Variants in GATA6 observed in about 807,000 individuals in gnomAD.
GATA6 encodes the protein transcription factor GATA-6.
A neutral mutation model predicts 48.1 loss-of-function variants in GATA6; 11 were observed. The ratio of observed to expected loss-of-function variants is 0.23; its 90% CI spans 0.14 to 0.38. GATA6 has a LOEUF of 0.38. GATA6 is among the 10% of genes least tolerant of loss of function. The pLI is 1.00. For synonymous variants in GATA6, 419 were observed against 396.1 expected (o/e 1.06, Z -0.69); for missense variants, 795 against 850.3 (o/e 0.93, Z 0.81).
rs368087457 is a variant in GATA6 at position 22,196,634 on chromosome 18, G to A, written c.1621-4022G>A. On this transcript the variant is annotated intron_variant, in intron 6 of 6. Transcript: ENST00000269216. ...CACATGCTTGTGGTCCCAGTTATTC[G>A]AGAGGCTGAGATGGGAGGATCTCTT... is the stretch of plus-strand genomic sequence containing the variant. Among the ~76,000 whole-genome samples the A allele has an allele frequency of 5.5e-4, 84 of 152,130 alleles. No individual in the cohort carries two copies. In the Middle Eastern group the frequency reaches 0.01, roughly 18 times the overall value.
intron 6 of GATA6, among the ~76,000 whole-genome samples, chr18:22,196,741 C>CAA (rs755208441): frequency 0.013 from 1,948 of 148,560 alleles, 45 homozygotes; most frequent in African/African-American, 0.047. Context: ...GACCCTGTCT[C>CAA]AAAAATAAAA....
chr18:22,176,862 C>T, intron 2 of GATA6, 93 bp from the exon 3 acceptor site: 1 of 1,398,594 alleles, frequency 7.2e-7, no homozygotes, highest in Non-Finnish European at 9.4e-7. Flanking sequence ...GGAAGCCGGG[C>T]ACCGGGGCTG....
chr18:22,177,244 C>A (rs371429311), intron 3 of GATA6, 123 bp downstream of exon 3: 9 of 868,674 alleles, frequency 1.0e-5, no homozygotes, highest in Non-Finnish European at 1.5e-5. Context: ...GCGGCCGCTG[C>A]GGTCCCACCC....
rs1057146658 is a variant in GATA6, at chr18:22,185,635, G to T, written c.1620+2592G>T. Among the ~76,000 whole-genome samples the T allele has an allele frequency of 6.6e-6, 1 of 152,200 alleles. No homozygotes were observed. Among genetic ancestry groups the T allele is most frequent in the Non-Finnish European group, 1.5e-5 (1 of 68,040 alleles). ...CTGGGCTTGCAGGGTTTTATTTCAT[G>T]GATGTCTCCAAAAGCCTCTACCTGC... On this transcript the variant is annotated intron_variant, in intron 6 of 6. Transcript: ENST00000269216. The surrounding 1 kb of genome is among the most constrained non-coding windows in gnomAD (Gnocchi z 4.3).
At chr18:22,198,110 G>A (rs912275423) in intron 6 of GATA6, among the ~76,000 whole-genome samples, 1 of 150,488 alleles carries the variant, frequency 6.6e-6, no homozygotes, top group Non-Finnish European at 1.5e-5. Context: ...TTAGAGACAG[G>A]GTCTTGCTCT....
intron 6 of GATA6, among the ~76,000 whole-genome samples, chr18:22,194,716 C>G (rs568567056): frequency 1.2e-4 from 18 of 151,430 alleles, no homozygotes; most frequent in Admixed American, 7.2e-4. Flanking sequence ...TCCGCCCCCC[C>G]CTCCCAACAC....
chr18:22,184,955 A>C (rs767204468), intron 6 of GATA6, among the ~76,000 whole-genome samples: 3 of 152,216 alleles, frequency 2.0e-5, no homozygotes, highest in Admixed American at 2.0e-4. Context: ...GGTACAGTCC[A>C]GCTTAAATGT....
At chr18:22,180,470 G>A (rs920132775) in intron 3 of GATA6, among the ~76,000 whole-genome samples, 1 of 152,062 alleles carries the variant, frequency 6.6e-6, no homozygotes, top group African/African-American at 2.4e-5. Flanking sequence ...ACCTTTCCTG[G>A]TAATACCAAT....
chr18:22,189,258 A>G (rs566955719), intron 6 of GATA6, among the ~76,000 whole-genome samples: 6 of 152,228 alleles, frequency 3.9e-5, no homozygotes, highest in Non-Finnish European at 8.8e-5. Context: ...GACTGACTCA[A>G]GTTAAGATTA....
At chr18:22,190,646 G>A (rs909684300) in intron 6 of GATA6, among the ~76,000 whole-genome samples, 2 of 152,020 alleles carry the variant, frequency 1.3e-5, no homozygotes, top group Non-Finnish European at 2.9e-5. Context: ...ACCAAGATCC[G>A]GAGTGACTCC....
At chr18:22,182,893 A>G in intron 5 of GATA6, 47 bp from the exon 6 acceptor site, 1 of 1,597,378 alleles carries the variant, frequency 6.3e-7, no homozygotes. Context: ...GCCAACCTTA[A>G]CAGTAGAGCA....
rs1176964829 is a variant in GATA6 at position 22,171,749 on chromosome 18, C to A, written c.605C>A (p.Pro202Gln). The change falls in exon 2 of 7, where the codon CCG becomes CAG. Residue 202 changes from proline to glutamine, a missense_variant. Coordinates refer to ENST00000269216, the MANE Select transcript of GATA6 (RefSeq NM_005257.6). The surrounding 1 kb of genome is among the most constrained non-coding windows in gnomAD (Gnocchi z 7.1). ...GTGGGTTCCATGCTGCCCGGCCTACCGTACCACCTGCAGGGGTCGGGCAGT... is the reference window on the plus strand; with the variant it reads ...GTGGGTTCCATGCTGCCCGGCCTACAGTACCACCTGCAGGGGTCGGGCAGT... ...TRVGSMLPGL[P>Q]YHLQGSGSGP... The A allele has an allele frequency of 3.4e-6, 5 of 1,453,228 alleles. No individual in the cohort carries two copies. The highest frequency in any genetic ancestry group is 1.5e-5 in the African/African-American group (1 of 66,508). 90.0% of individuals were successfully genotyped at this position (1,453,228 alleles called of 1,614,324 possible).
At chr18:22,175,133 T>C (rs747426709) in intron 2 of GATA6, among the ~76,000 whole-genome samples, 3 of 152,180 alleles carry the variant, frequency 2.0e-5, no homozygotes, top group Admixed American at 6.5e-5. Context: ...ACAGCTTTTA[T>C]AAAGACAGCA....
chr18:22,198,156 C>T (rs1233076778), intron 6 of GATA6, among the ~76,000 whole-genome samples: 1 of 151,540 alleles, frequency 6.6e-6, no homozygotes. Context: ...GCAATCGTAG[C>T]TCACTGCAGC....
intron 6 of GATA6, among the ~76,000 whole-genome samples, chr18:22,187,954 A>C (rs1271117570): frequency 6.6e-6 from 1 of 152,126 alleles, no homozygotes; most frequent in East Asian, 1.9e-4. Flanking sequence ...TTTAAAAATT[A>C]GGCCAGGTGC....
rs760748655 is a variant in GATA6, at chr18:22,200,749, G to A, written c.1714G>A (p.Val572Ile). 5 of 1,614,138 alleles carry A rather than the reference G, an allele frequency of 3.1e-6. No individual in the cohort carries two copies. Among genetic ancestry groups the A allele is most frequent in the Admixed American group, 1.7e-5 (1 of 60,032 alleles). Residue 572 changes from valine to isoleucine, a missense_variant, in exon 7 of 7, where the codon GTC (valine) becomes ATC (isoleucine). Val to Ile is a conservative substitution (Grantham distance 29). Around this residue, in one of 5 missense-constraint regions of GATA6, gnomAD observed 103 missense variants for 103.7 expected, o/e 0.99. Coordinates refer to ENST00000269216, the MANE Select transcript of GATA6 (RefSeq NM_005257.6). ...YSGQDGLYIGVSLASPAEVTS... is the reference protein window; with the variant it reads ...YSGQDGLYIGISLASPAEVTS... ...GGGTCAAGATGGGCTCTACATAGGC[G>A]TCAGTCTCGCCTCGCCGGCCGAAGT...
chr18:22,191,113 G>A (rs1283247887), intron 6 of GATA6, among the ~76,000 whole-genome samples: 1 of 149,974 alleles, frequency 6.7e-6, no homozygotes, highest in Non-Finnish European at 1.5e-5. Flanking sequence ...AATGCATTGT[G>A]TGCTACATCA....
intron 6 of GATA6, 71 bp from the exon 7 acceptor site, chr18:22,200,585 G>A: frequency 1.3e-6 from 2 of 1,588,642 alleles, no homozygotes; most frequent in Admixed American, 3.3e-5. Context: ...TAGCTCCCAT[G>A]TATTTCACTA....
At chr18:22,189,119 C>T (rs1293407169) in intron 6 of GATA6, among the ~76,000 whole-genome samples, 1 of 152,136 alleles carries the variant, frequency 6.6e-6, no homozygotes, top group Non-Finnish European at 1.5e-5. Flanking sequence ...GTTCCCGTCC[C>T]CTGTGTGCTT....
Sources: gnomAD v4.1 joint callset for allele counts (sites outside exome capture counted in the v4.1 genomes callset) on GRCh38, gnomAD v4.1.1 for gene constraint, gnomAD v4.1.1 regional missense constraint, Gnocchi (gnomAD v3.1) non-coding constraint, MANE v1.5 for transcripts, NCBI Gene and HGNC (gene_info 2026-07-23, HGNC 2026-07-21) for gene names.